Variants in PSMC6 observed in about 807,000 individuals in gnomAD.
PSMC6 encodes the protein proteasome 26S subunit, ATPase 6.
PSMC6 carries 3 observed loss-of-function variants against 55.9 expected under a neutral mutation model. That is an observed-to-expected ratio of 0.05 (90% confidence interval 0.02 to 0.14). The LOEUF (loss-of-function observed/expected upper bound fraction) is 0.14. Ranked by LOEUF, PSMC6 falls within the 10% of genes least tolerant of loss-of-function variation. PSMC6 has a pLI of 1.00. For missense variants in PSMC6, 210 were observed against 478.7 expected (o/e 0.44, Z 5.24); for synonymous variants, 137 against 155.9 (o/e 0.88, Z 0.90).
intron 6 of PSMC6, among the ~76,000 whole-genome samples, chr14:52,711,984 T>C (rs979440393): frequency 7.9e-5 from 12 of 152,334 alleles, no homozygotes; most frequent in African/African-American, 2.6e-4. Flanking sequence ...AGAAAACCAC[T>C]GGCTTTAGGA....
At chr14:52,714,123 C>G (rs1290700228) in intron 7 of PSMC6, 155 bp downstream of exon 7, 1 of 463,290 alleles carries the variant, frequency 2.2e-6, no homozygotes. Context: ...TAACTGCAAC[C>G]TCTGCCTTCC....
chr14:52,711,262 G>A (rs1215028338), intron 5 of PSMC6, 94 bp downstream of exon 5: 27 of 1,374,262 alleles, frequency 2.0e-5, no homozygotes. Context: ...GAATATTTTG[G>A]CACTTTTTCC....
chr14:52,708,991 C>A, intron 4 of PSMC6, 175 bp downstream of exon 4: 1 of 824,734 alleles, frequency 1.2e-6, no homozygotes, highest in Non-Finnish European at 1.8e-6. Context: ...TGGGCTTTGA[C>A]TCCTGGCATT....
intron 7 of PSMC6, among the ~76,000 whole-genome samples, chr14:52,716,708 A>G (rs759631474): frequency 2.5e-4 from 38 of 152,204 alleles, no homozygotes; most frequent in Middle Eastern, 3.4e-3. Flanking sequence ...AGCTGAGATC[A>G]TGCCATTGCA....
chr14:52,707,642 G>A, intron 1 of PSMC6: 1 of 268,454 alleles, frequency 3.7e-6, no homozygotes, highest in Non-Finnish European at 7.3e-6. Context: ...GAGAGGGGAA[G>A]GCGCTTGAGT....
chr14:52,715,600 TC>T (rs2041821855), intron 7 of PSMC6, among the ~76,000 whole-genome samples: 1 of 151,346 alleles, frequency 6.6e-6, no homozygotes, highest in African/African-American at 2.4e-5. Context: ...TGAAGCTTTT[TC>T]TTTTTTTCTT....
chr14:52,725,401 T>G (rs1880372260), intron 13 of PSMC6, among the ~76,000 whole-genome samples: 1 of 152,238 alleles, frequency 6.6e-6, no homozygotes, highest in African/African-American at 2.4e-5. Flanking sequence ...ATACTGAAAT[T>G]TTTATCTTCT....
intron 6 of PSMC6, among the ~76,000 whole-genome samples, chr14:52,712,821 T>C (rs2041788715): frequency 1.3e-5 from 2 of 152,154 alleles, no homozygotes; most frequent in African/African-American, 2.4e-5. Flanking sequence ...TTCACCATGT[T>C]GTCCAGGCTC....
rs2041711410 is a variant in PSMC6 at position 52,707,217 on chromosome 14, A to G, written c.-3A>G. The G allele has an allele frequency of 1.9e-6, 3 of 1,610,964 alleles. No homozygotes were observed. Among genetic ancestry groups the G allele is most frequent in the Admixed American group, 1.7e-5 (1 of 59,512 alleles). On this transcript the variant is annotated 5_prime_UTR_variant, in exon 1 of 14. Transcript: ENST00000445930. Reference sequence around the variant, plus strand: ...CATCCCCTATGAGAGACGGCTTCTCATCATGGCGGACCCTAGAGATAAGGC... The same window carrying G: ...CATCCCCTATGAGAGACGGCTTCTCGTCATGGCGGACCCTAGAGATAAGGC...
rs1360092477 is a variant in PSMC6 at position 52,721,134 on chromosome 14, C to A, written c.923C>A (p.Ala308Glu). Residue 308 changes from alanine to glutamate, a missense_variant, in exon 12 of 14, where the codon GCA (alanine) becomes GAA (glutamate). Coordinates refer to ENST00000445930, the MANE Select transcript of PSMC6 (RefSeq NM_002806.5). Reference sequence around the variant, plus strand: ...GATATTGATTTGCCAAATGAACAAGCAAGATTAGACATACTGAAAATCCAT... The same window carrying A: ...GATATTGATTTGCCAAATGAACAAGAAAGATTAGACATACTGAAAATCCAT... ...KIHIDLPNEQ[A>E]RLDILKIHAG... 6.3e-7 allele frequency: 1 copy of A among 1,597,290 alleles called. No homozygotes were observed. The highest frequency in any genetic ancestry group is 1.1e-5 in the South Asian group (1 of 87,036).
chr14:52,707,466 G>A lies in PSMC6; in HGVS notation c.85+162G>A, dbSNP rs7160609. 6,697 of 925,752 alleles carry A rather than the reference G, an allele frequency of 7.2e-3. 304 individuals carry two copies. In the African/African-American group the frequency reaches 0.096, roughly 13 times the overall value. 57.3% of individuals were successfully genotyped at this position (925,752 alleles called of 1,614,324 possible). On this transcript the variant is annotated intron_variant, in intron 1 of 13. Transcript: ENST00000445930. ...CATCCGGCCCTGAGCTTGTGGAGCA[G>A]CACTCCTTCGGGTGTAGAAATGGCC...
rs563834849 is a variant in PSMC6, at chr14:52,709,121, T to G, written c.258+305T>G. Reference sequence around the variant, plus strand: ...TTTAATGTCATTTTTAAAGAGGACTTAAAAGTGTTAGATATCATCAGTTAC... The same window carrying G: ...TTTAATGTCATTTTTAAAGAGGACTGAAAAGTGTTAGATATCATCAGTTAC... On this transcript the variant is annotated intron_variant, in intron 4 of 13. Transcript: ENST00000445930. 3.0e-5 allele frequency: 7 copies of G among 237,168 alleles called. No individual in the cohort carries two copies. In the East Asian group the frequency reaches 5.8e-4, roughly 20 times the overall value. The allele number at this position is 237,168 out of a possible 1,614,324, so 14.7% of individuals were successfully genotyped here.
rs2041710761 is a variant in PSMC6, at chr14:52,707,201, T to C, written c.-19T>C. The C allele has an allele frequency of 5.7e-6, 9 of 1,575,146 alleles. No individual in the cohort carries two copies. Among genetic ancestry groups the C allele is most frequent in the Non-Finnish European group, 7.8e-6 (9 of 1,155,678 alleles). Reference sequence around the variant, plus strand: ...CCATGGCCATTCCCGGCATCCCCTATGAGAGACGGCTTCTCATCATGGCGG... The same window carrying C: ...CCATGGCCATTCCCGGCATCCCCTACGAGAGACGGCTTCTCATCATGGCGG... On this transcript the variant is annotated 5_prime_UTR_variant, in exon 1 of 14. The change abolishes an upstream ATG in the 5' untranslated region. Coordinates refer to ENST00000445930, the MANE Select transcript of PSMC6 (RefSeq NM_002806.5).
chr14:52,717,837 G>C (rs939443226), intron 7 of PSMC6, among the ~76,000 whole-genome samples: 1 of 151,974 alleles, frequency 6.6e-6, no homozygotes, highest in Non-Finnish European at 1.5e-5. Context: ...GCGCAACACA[G>C]AGAGACCCCG....
chr14:52,708,981 T>C, intron 4 of PSMC6, 165 bp downstream of exon 4: 4 of 993,876 alleles, frequency 4.0e-6, no homozygotes, highest in Non-Finnish European at 5.6e-6. Flanking sequence ...ATTCAAACCA[T>C]GGGCTTTGAC....
chr14:52,720,238 A>AAAAAAAGC (rs2041874877), intron 10 of PSMC6, among the ~76,000 whole-genome samples: 1 of 149,148 alleles, frequency 6.7e-6, no homozygotes, highest in Non-Finnish European at 1.5e-5. Context: ...AAAAAAAAAA[A>AAAAAAAGC]AAAAAAGCAG....
chr14:52,718,153 G>A lies in PSMC6; in HGVS notation c.591+11G>A, dbSNP rs775158903. 1.9e-6 allele frequency: 3 copies of A among 1,612,622 alleles called. No homozygotes were observed. Among genetic ancestry groups the A allele is most frequent in the African/African-American group, 1.3e-5 (1 of 74,994 alleles). On this transcript the variant is annotated intron_variant, in intron 8 of 13. Transcript: ENST00000445930. Reference sequence around the variant, plus strand: ...TGCAATTTCTTAAAGGTAAAGGGAAGATTATTTTGTACTTATTGAAATTTA... The same window carrying A: ...TGCAATTTCTTAAAGGTAAAGGGAAAATTATTTTGTACTTATTGAAATTTA...
At chr14:52,713,236 A>G (rs780312603) in intron 6 of PSMC6, among the ~76,000 whole-genome samples, 3 of 152,104 alleles carry the variant, frequency 2.0e-5, no homozygotes, top group Non-Finnish European at 4.4e-5. Flanking sequence ...AAAAAAAGAA[A>G]TTTCTCTCTT....
At chr14:52,718,419 CTCTT>C in intron 9 of PSMC6, 67 bp downstream of exon 9, 4 of 1,484,708 alleles carry the variant, frequency 2.7e-6, no homozygotes, top group Non-Finnish European at 3.7e-6. Flanking sequence ...CTTTTTCCCT[CTCTT>C]AATCTGTAAT....
Sources: gnomAD v4.1 joint callset for allele counts (sites outside exome capture counted in the v4.1 genomes callset) on GRCh38, gnomAD v4.1.1 for gene constraint, MANE v1.5 for transcripts, NCBI Gene and HGNC (gene_info 2026-07-23, HGNC 2026-07-21) for gene names.